Variants in HPS3 observed in about 807,000 individuals in gnomAD.
HPS3 encodes HPS3 biogenesis of lysosomal organelles complex 2 subunit 1.
In HPS3, 79 loss-of-function variants were observed where a neutral mutation model predicts 110.9. That is an observed-to-expected ratio of 0.71 (90% CI 0.59 to 0.86). HPS3 has a LOEUF of 0.86. Ranked by LOEUF, HPS3 falls within the 40% of genes least tolerant of loss-of-function variation. The probability of loss-of-function intolerance (pLI) is 0.00; values close to 1 mark genes in which losing one functional copy is unlikely to be tolerated. For missense variants in HPS3, 1,197 were observed against 1,206.2 expected, an observed-to-expected ratio of 0.99 and a Z score of 0.11; for synonymous variants, 428 against 451.0, an observed-to-expected ratio of 0.95 and a Z score of 0.65.
chr3:149,147,999 TC>T (rs1445814147), intron 5 of HPS3, among the ~76,000 whole-genome samples: 1 of 151,998 alleles, frequency 6.6e-6, no homozygotes, highest in Non-Finnish European at 1.5e-5. Flanking sequence ...ACCTCCCAAG[TC>T]GCTGGGATTA....
intron 15 of HPS3, 53 bp downstream of exon 15, chr3:149,167,293 A>T: frequency 7.2e-7 from 1 of 1,388,446 alleles, no homozygotes; most frequent in Non-Finnish European, 1.0e-6. Context: ...ATCAGATCTG[A>T]TAACCTCATT....
chr3:149,156,465 G>A (rs6785780), intron 8 of HPS3, among the ~76,000 whole-genome samples: 1 of 151,862 alleles, frequency 6.6e-6, no homozygotes, highest in African/African-American at 2.4e-5. Flanking sequence ...CTCCTTTGAA[G>A]CTGGAATATT....
At chr3:149,147,839 A>T (rs1722867652) in intron 5 of HPS3, among the ~76,000 whole-genome samples, 1 of 152,162 alleles carries the variant, frequency 6.6e-6, no homozygotes, top group Non-Finnish European at 1.5e-5. Context: ...CAGTTGTTTT[A>T]TGTAAATTCA....
At chr3:149,160,501 T>G (rs1576689617) in intron 11 of HPS3, among the ~76,000 whole-genome samples, 1 of 152,190 alleles carries the variant, frequency 6.6e-6, no homozygotes, top group East Asian at 1.9e-4. Context: ...GACTTCAACT[T>G]AGTGTCAAGT....
At chr3:149,158,039 G>T (rs1020667157) in intron 9 of HPS3, among the ~76,000 whole-genome samples, 2 of 152,118 alleles carry the variant, frequency 1.3e-5, no homozygotes, top group African/African-American at 4.8e-5. Flanking sequence ...AGAGAGGTAT[G>T]ACTAGTTTAT....
chr3:149,136,971 C>G (rs1722147555), intron 1 of HPS3, among the ~76,000 whole-genome samples: 1 of 152,086 alleles, frequency 6.6e-6, no homozygotes, highest in African/African-American at 2.4e-5. Flanking sequence ...AATAGATAAA[C>G]TAGACTTTAT....
At chr3:149,155,531 C>CAAATAAAT (rs35607134) in intron 8 of HPS3, among the ~76,000 whole-genome samples, 1,548 of 151,924 alleles carry the variant, frequency 0.01, 14 homozygotes, top group Non-Finnish European at 0.017. Context: ...AGAAATGGAG[C>CAAATAAAT]AAATAAATAA....
intron 1 of HPS3, among the ~76,000 whole-genome samples, chr3:149,139,268 ATATATT>A (rs1285265140): frequency 6.6e-6 from 1 of 152,224 alleles, no homozygotes; most frequent in Non-Finnish European, 1.5e-5. Flanking sequence ...AGATTGTTAA[ATATATT>A]TAATATGATT....
At chr3:149,133,980 T>A (rs1270188540) in intron 1 of HPS3, among the ~76,000 whole-genome samples, 1 of 148,794 alleles carries the variant, frequency 6.7e-6, no homozygotes, top group Admixed American at 6.6e-5. Context: ...TATGCCTGTG[T>A]TTTTTTTTAA....
rs773653443 is a variant in HPS3 at position 149,145,437 on chromosome 3, G to A, written c.1054G>A (p.Gly352Ser). 3.1e-6 allele frequency: 5 copies of A among 1,613,850 alleles called. No homozygotes were observed. In the East Asian group the frequency reaches 1.1e-4, roughly 36 times the overall value. Residue 352 changes from glycine (G) to serine (S), a missense_variant, in exon 5 of 17, where the codon GGC becomes AGC. Gly to Ser is a moderately conservative substitution (Grantham distance 56). Transcript: ENST00000296051. ...TTGCTTTTTCTCCTTACCTCATGTG[G>A]GCTATCTCTACATGGTTGTCAAATC... ...LFCFFSLPHV[G>S]YLYMVVKSVE...
intron 6 of HPS3, 44 bp downstream of exon 6, chr3:149,150,724 G>T: frequency 2.8e-6 from 4 of 1,426,992 alleles, no homozygotes; most frequent in South Asian, 1.1e-5. Context: ...AAGATCACAA[G>T]GGAGCACATG....
chr3:149,167,755 T>C (rs574478039), intron 15 of HPS3, 138 bp from the exon 16 acceptor site: 8 of 690,116 alleles, frequency 1.2e-5, no homozygotes, highest in African/African-American at 5.4e-5. Flanking sequence ...ATATAACTTA[T>C]GTTATAACAA....
rs555859442 is a variant in HPS3 at position 149,154,562 on chromosome 3, TAATTCATTTGAA to T, written c.1401-533_1401-522del. On this transcript the variant is annotated intron_variant, in intron 7 of 16. Transcript: ENST00000296051. ...TTTTTAAATGATGTTTTAAAAATTC[TAATTCATTTGAA>T]AATTCATTTGATAAACAATTATAAA... 4.8e-3 allele frequency among the ~76,000 whole-genome samples: 730 copies of T among 152,362 alleles called. 1 individual carries two copies. The highest frequency in any genetic ancestry group is 6.7e-3 in the Non-Finnish European group (456 of 68,028).
chr3:149,153,860 TA>T (rs1182553219), intron 7 of HPS3: 1 of 587,666 alleles, frequency 1.7e-6, no homozygotes. Flanking sequence ...AAATGGATTA[TA>T]AAATAGTTTC....
chr3:149,171,185 G>T (rs1576715895), intron 16 of HPS3, among the ~76,000 whole-genome samples: 1 of 152,126 alleles, frequency 6.6e-6, no homozygotes, highest in Admixed American at 6.5e-5. Flanking sequence ...GGCTGAGGCA[G>T]GAGAATCTCT....
chr3:149,162,823 G>T lies in HPS3; in HGVS notation c.2426G>T (p.Arg809Ile). The T allele has an allele frequency of 6.2e-7, 1 of 1,614,066 alleles. No homozygotes were observed. The highest frequency in any genetic ancestry group is 8.5e-7 in the Non-Finnish European group (1 of 1,179,956). ...FFKLTSQYIW[R>I]LSKRQPPDTT... ...AAACTCACATCACAGTACATCTGGA[G>T]ATTGTCTAAGAGGCAGCCTCCTGAC... Residue 809 changes from arginine (R) to isoleucine (I), a missense_variant, in exon 13 of 17, where the codon AGA becomes ATA. Arg to Ile is a moderately conservative substitution (Grantham distance 97, BLOSUM62 -3). Coordinates refer to ENST00000296051, the MANE Select transcript of HPS3 (RefSeq NM_032383.5).
At position 149,141,404 on chromosome 3, in the gene HPS3, C is replaced by T. The variant is rs71304453; in HGVS notation, c.970+24C>T. 6.7e-3 allele frequency: 10,460 copies of T among 1,567,196 alleles called. 49 individuals carry two copies. The highest frequency in any genetic ancestry group is 0.01 in the Middle Eastern group (60 of 5,970). On this transcript the variant is annotated intron_variant, in intron 4 of 16. Transcript: ENST00000296051. ...CGGTAAGCATGACAGTGCAGGAGTG[C>T]GACAGTGCAGCAAGGTGAAAATGCT...
chr3:149,168,176 C>A, intron 16 of HPS3, 193 bp downstream of exon 16: 1 of 572,068 alleles, frequency 1.7e-6, no homozygotes, highest in East Asian at 3.0e-5. Flanking sequence ...AGTCACAGAA[C>A]TGATGTTCTT....
chr3:149,155,509 C>A (rs1723403871), intron 8 of HPS3, among the ~76,000 whole-genome samples: 1 of 152,102 alleles, frequency 6.6e-6, no homozygotes, highest in African/African-American at 2.4e-5. Flanking sequence ...TGAACTCTAG[C>A]AAAGATAGCT....
Sources: gnomAD v4.1 joint callset for allele counts (sites outside exome capture counted in the v4.1 genomes callset) on GRCh38, gnomAD v4.1.1 for gene constraint, MANE v1.5 for transcripts, NCBI Gene and HGNC (gene_info 2026-07-23, HGNC 2026-07-21) for gene names.